NPAT: variants seen among roughly 807,000 people sequenced by gnomAD.
The protein encoded by NPAT is nuclear protein, coactivator of histone transcription, also known as protein NPAT.
NPAT carries 52 observed loss-of-function variants against 130.7 expected under a neutral mutation model. That is an observed-to-expected ratio of 0.40 (90% confidence interval 0.32 to 0.50). The LOEUF (loss-of-function observed/expected upper bound fraction) is 0.50. Among genes scored for constraint, NPAT ranks in the 20% least tolerant of loss-of-function variants. The pLI is 0.68. For missense variants in NPAT, 1,687 were observed against 1,662.6 expected, an observed-to-expected ratio of 1.01 and a Z score of -0.26; for synonymous variants, 580 against 584.8, an observed-to-expected ratio of 0.99 and a Z score of 0.12.
intron 3 of NPAT, among the ~76,000 whole-genome samples, chr11:108,193,579 G>A (rs1380824684): frequency 6.6e-6 from 1 of 152,104 alleles, no homozygotes; most frequent in Non-Finnish European, 1.5e-5. Flanking sequence ...TACAAAATTA[G>A]CCGGGCATGG....
At chr11:108,162,046 C>G (rs750726268) in intron 16 of NPAT, 32 bp from the exon 17 acceptor site, 2 of 1,609,806 alleles carry the variant, frequency 1.2e-6, no homozygotes, top group South Asian at 2.2e-5. Flanking sequence ...CTATTTCTAG[C>G]AGCATAAAGA....
Position 108,189,186 on chromosome 11 carries a change from C to T in NPAT, c.476G>A (p.Arg159Gln), listed in dbSNP as rs369929633. 1.8e-5 allele frequency: 29 copies of T among 1,614,060 alleles called. No homozygotes were observed. In the African/African-American group the frequency reaches 3.1e-4, roughly 17 times the overall value. The change falls in exon 6 of 18, where the codon CGA becomes CAA. Residue 159 changes from arginine to glutamine, a missense_variant. Coordinates refer to ENST00000278612, the MANE Select transcript of NPAT (RefSeq NM_002519.3). ...TPPSTGTQVT[R>Q]PSGQISDPSR... ...TGGATCTGAAATTTGGCCACTTGGT[C>T]GAGTAACCTGTGTACCTGTGGAAGG... is the stretch of plus-strand genomic sequence containing the variant.
At chr11:108,187,414 T>C (rs1054523532) in intron 7 of NPAT, among the ~76,000 whole-genome samples, 1 of 152,214 alleles carries the variant, frequency 6.6e-6, no homozygotes, top group Non-Finnish European at 1.5e-5. Flanking sequence ...ATTGTACCAC[T>C]ATACTCTAAC....
chr11:108,159,438 C>G (rs1212113865), intron 17 of NPAT, among the ~76,000 whole-genome samples: 1 of 152,060 alleles, frequency 6.6e-6, no homozygotes, highest in African/African-American at 2.4e-5. Flanking sequence ...CCTAAGATAC[C>G]TGGTAATATC....
intron 1 of NPAT, among the ~76,000 whole-genome samples, chr11:108,212,643 A>G (rs908004408): frequency 6.6e-6 from 1 of 151,480 alleles, no homozygotes; most frequent in Admixed American, 6.6e-5. Context: ...AACAACAACA[A>G]CAACAAAAAA....
At chr11:108,192,003 T>G in intron 4 of NPAT, 115 bp downstream of exon 4, 1 of 786,152 alleles carries the variant, frequency 1.3e-6, no homozygotes. Flanking sequence ...ACCTCTAGAG[T>G]AATTTCAAAA....
intron 1 of NPAT, among the ~76,000 whole-genome samples, chr11:108,211,113 G>A (rs2078379625): frequency 6.6e-6 from 1 of 152,082 alleles, no homozygotes; most frequent in Admixed American, 6.6e-5. Flanking sequence ...CAGCTACTCG[G>A]GAGGCTGGGA....
rs759137786 is a variant in NPAT, at chr11:108,177,102, G to C, written c.907-12C>G. On this transcript the variant is annotated splice_polypyrimidine_tract_variant and intron_variant, in intron 10 of 17. Coordinates refer to ENST00000278612, the MANE Select transcript of NPAT (RefSeq NM_002519.3). ...ATGTGAATTTCACTCTGCAAGAAAG[G>C]AGTGGCGTGAAGGCATGATTCTAAC... is the stretch of plus-strand genomic sequence containing the variant. 6.7e-7 allele frequency: 1 copy of C among 1,502,932 alleles called. No individual in the cohort carries two copies. The highest frequency in any genetic ancestry group is 1.1e-5 in the South Asian group (1 of 88,720). 93.1% of individuals were successfully genotyped at this position (1,502,932 alleles called of 1,614,324 possible). A position where few individuals can be genotyped will look rare whatever the true frequency, so the allele number is the denominator to read the frequency against.
intron 1 of NPAT, among the ~76,000 whole-genome samples, chr11:108,205,484 T>C (rs1260720837): frequency 6.6e-6 from 1 of 151,996 alleles, no homozygotes; most frequent in Admixed American, 6.6e-5. Context: ...CCTAGATAGG[T>C]CTTGAACTCC....
intron 1 of NPAT, among the ~76,000 whole-genome samples, chr11:108,210,419 C>T (rs11827907): frequency 0.021 from 3,185 of 151,956 alleles, 114 homozygotes; most frequent in African/African-American, 0.072. Flanking sequence ...TGTGTGACAC[C>T]TCTTTCTCTC....
chr11:108,193,005 A>G (rs2078185913), intron 3 of NPAT, among the ~76,000 whole-genome samples: 1 of 152,190 alleles, frequency 6.6e-6, no homozygotes, highest in African/African-American at 2.4e-5. Context: ...AACATATGAA[A>G]GCACGTAGCA....
chr11:108,209,242 T>C (rs528935395), intron 1 of NPAT, among the ~76,000 whole-genome samples: 1 of 152,138 alleles, frequency 6.6e-6, no homozygotes, highest in Admixed American at 6.5e-5. Flanking sequence ...ACCATGCCAC[T>C]GCACTCCAGC....
intron 1 of NPAT, among the ~76,000 whole-genome samples, chr11:108,201,266 C>T (rs1447638528): frequency 2.6e-5 from 4 of 152,162 alleles, no homozygotes; most frequent in Admixed American, 2.6e-4. Flanking sequence ...TCCCCAAAAC[C>T]CTCAAGCAAC....
At chr11:108,159,599 T>C (rs2077826058) in intron 17 of NPAT, among the ~76,000 whole-genome samples, 1 of 152,304 alleles carries the variant, frequency 6.6e-6, no homozygotes, top group Non-Finnish European at 1.5e-5. Flanking sequence ...CTATGATATT[T>C]TAAGCACTTT....
intron 1 of NPAT, among the ~76,000 whole-genome samples, chr11:108,202,562 A>C (rs1297576973): frequency 6.6e-6 from 1 of 152,226 alleles, no homozygotes; most frequent in Non-Finnish European, 1.5e-5. Flanking sequence ...AAAATCCTTC[A>C]GCAAGCCCTC....
intron 15 of NPAT, among the ~76,000 whole-genome samples, chr11:108,166,654 A>G (rs2077905369): frequency 6.6e-6 from 1 of 152,080 alleles, no homozygotes; most frequent in East Asian, 1.9e-4. Flanking sequence ...TTTCTAAACT[A>G]TCTTGTTCCA....
chr11:108,202,599 A>G (rs1591411953), intron 1 of NPAT, among the ~76,000 whole-genome samples: 1 of 152,130 alleles, frequency 6.6e-6, no homozygotes, highest in Admixed American at 6.5e-5. Flanking sequence ...AAACCTATCA[A>G]TTGGCCCAAA....
chr11:108,160,772 C>T, intron 17 of NPAT, 108 bp downstream of exon 17: 1 of 976,180 alleles, frequency 1.0e-6, no homozygotes, highest in Non-Finnish European at 1.6e-6. Context: ...TAAAAGCTGT[C>T]TTAGCCATAA....
At chr11:108,220,118 T>C (rs543259025) in intron 1 of NPAT, among the ~76,000 whole-genome samples, 22 of 152,164 alleles carry the variant, frequency 1.4e-4, no homozygotes, top group Non-Finnish European at 2.8e-4. Context: ...CAGAGCACCT[T>C]GAATAAATAG....
Sources: allele counts gnomAD v4.1 joint callset (sites outside exome capture counted in the v4.1 genomes callset), GRCh38; gene constraint gnomAD v4.1.1; transcripts MANE v1.5; gene names NCBI Gene and HGNC (gene_info 2026-07-23, HGNC 2026-07-21).